PTP4A1: variants seen among roughly 807,000 people sequenced by gnomAD.
The protein encoded by PTP4A1 is protein tyrosine phosphatase type IVA 1.
Under a neutral mutation model 20.5 loss-of-function variants are expected in PTP4A1, and 9 were observed. That is an observed-to-expected ratio of 0.44 (90% confidence interval 0.26 to 0.77). The LOEUF (loss-of-function observed/expected upper bound fraction) is 0.77. Ranked by LOEUF, PTP4A1 falls within the 30% of genes least tolerant of loss-of-function variation. The pLI is 0.19. For synonymous variants in PTP4A1, 78 were observed against 67.4 expected (o/e 1.16, Z -0.77); for missense variants, 137 against 218.8 (o/e 0.63, Z 2.36).
intron 3 of PTP4A1, among the ~76,000 whole-genome samples, chr6:63,567,454 G>A (rs991978944): frequency 1.3e-5 from 2 of 152,188 alleles, no homozygotes; most frequent in African/African-American, 2.4e-5. Flanking sequence ...TTGTCAAGGA[G>A]CAATAGTATT....
intron 2 of PTP4A1, chr6:63,549,506 CAGG>C (rs1750546121): frequency 6.8e-6 from 5 of 739,686 alleles, no homozygotes; most frequent in Non-Finnish European, 1.2e-5. Flanking sequence ...TTCCTTTCGG[CAGG>C]AGGAGAGAGC....
intron 2 of PTP4A1, among the ~76,000 whole-genome samples, chr6:63,533,544 A>G (rs1327400106): frequency 1.3e-5 from 2 of 152,332 alleles, no homozygotes; most frequent in Non-Finnish European, 2.9e-5. Flanking sequence ...AATGCTTACC[A>G]AACTATAGTA....
intron 2 of PTP4A1, among the ~76,000 whole-genome samples, chr6:63,547,956 AC>A (rs898068724): frequency 1.3e-5 from 2 of 152,062 alleles, no homozygotes. Flanking sequence ...CCATTATCTC[AC>A]CATTTCATAT....
At chr6:63,518,457 T>C (rs1346605815), upstream of PTP4A1, among the ~76,000 whole-genome samples, 2 of 152,196 alleles carry the variant, frequency 1.3e-5, no homozygotes, top group Non-Finnish European at 2.9e-5. Flanking sequence ...GGAGTAGCAA[T>C]GGAATCCAAC....
upstream of PTP4A1, among the ~76,000 whole-genome samples, chr6:63,521,268 A>C (rs146889597): frequency 5.9e-5 from 9 of 152,338 alleles, no homozygotes; most frequent in African/African-American, 2.2e-4. Context: ...AAAAGAAAAA[A>C]ACGGCAAATA....
chr6:63,573,865 A>G (rs1366426649), intron 1 of PTP4A1, among the ~76,000 whole-genome samples: 1 of 152,098 alleles, frequency 6.6e-6, no homozygotes, highest in African/African-American at 2.4e-5. Context: ...CCAATTTTGG[A>G]AGGGCCCTGG....
intron 3 of PTP4A1, among the ~76,000 whole-genome samples, chr6:63,562,032 AT>A (rs1339545156): frequency 6.6e-6 from 1 of 152,236 alleles, no homozygotes; most frequent in Non-Finnish European, 1.5e-5. Context: ...GAAGTTATAA[AT>A]AAAAAATTGT....
chr6:63,542,226 G>T (rs915082360), intron 2 of PTP4A1, among the ~76,000 whole-genome samples: 1 of 152,084 alleles, frequency 6.6e-6, no homozygotes, highest in Non-Finnish European at 1.5e-5. Flanking sequence ...AAGCTATGAG[G>T]ATGCAAAGGC....
Position 63,579,340 on chromosome 6 carries a change from T to C in PTP4A1, c.404+9T>C, listed in dbSNP as rs780937953. 6.3e-7 allele frequency: 1 copy of C among 1,576,230 alleles called. No individual in the cohort carries two copies. The highest frequency in any genetic ancestry group is 1.1e-5 in the South Asian group (1 of 87,708). ...GTACAATTCATAAGACAGTAAGTAA[T>C]GGATTCTCTTTTCATTTGTACTCTC... On this transcript the variant is annotated intron_variant, in intron 5 of 5. Coordinates refer to ENST00000626021, the MANE Select transcript of PTP4A1 (RefSeq NM_003463.5).
chr6:63,557,267 T>G (rs1041130416), intron 3 of PTP4A1, among the ~76,000 whole-genome samples: 4 of 152,088 alleles, frequency 2.6e-5, no homozygotes, highest in African/African-American at 9.7e-5. Context: ...AAAATTTAAT[T>G]TAAAAATTAA....
Position 63,583,510 on chromosome 6 carries a change from G to A in PTP4A1, c.*3336G>A, listed in dbSNP as rs1269346855. ...AAACCAGTGATATGTGTTAACGTAT[G>A]AATGAAAGGATTGATGGTGATTTTA... is the stretch of plus-strand genomic sequence containing the variant. On this transcript the variant is annotated 3_prime_UTR_variant, in exon 6 of 6. Coordinates refer to ENST00000626021, the MANE Select transcript of PTP4A1 (RefSeq NM_003463.5). 6.6e-6 allele frequency: 1 copy of A among 152,218 alleles called. No individual in the cohort carries two copies. The highest frequency in any genetic ancestry group is 1.5e-5 in the Non-Finnish European group (1 of 68,042). The allele number at this position is 152,218 out of a possible 1,614,324, so 9.4% of individuals were successfully genotyped here.
chr6:63,553,208 T>C (rs2149491293), intron 3 of PTP4A1, among the ~76,000 whole-genome samples: 1 of 152,370 alleles, frequency 6.6e-6, no homozygotes, highest in Non-Finnish European at 1.5e-5. Context: ...AATTGTGTGA[T>C]ACAGCTTAGT....
chr6:63,526,386 A>C (rs964431831), intron 1 of PTP4A1, among the ~76,000 whole-genome samples: 3 of 152,148 alleles, frequency 2.0e-5, no homozygotes, highest in African/African-American at 7.2e-5. Flanking sequence ...AGCTGATAAC[A>C]AAGTTGAAAT....
chr6:63,569,154 G>A (rs1453408497), upstream of PTP4A1, among the ~76,000 whole-genome samples: 1 of 152,148 alleles, frequency 6.6e-6, no homozygotes, highest in East Asian at 1.9e-4. Context: ...TACTAGATCT[G>A]CTGTTCTTGT....
intron 1 of PTP4A1, among the ~76,000 whole-genome samples, chr6:63,523,369 C>T (rs1041400290): frequency 2.6e-5 from 4 of 151,972 alleles, no homozygotes; most frequent in African/African-American, 9.7e-5. Context: ...CCTGTCTCTA[C>T]TAGAAAACAC....
Position 63,581,272 on chromosome 6 carries a change from T to C in PTP4A1, c.*1098T>C, listed in dbSNP as rs1778208688. The C allele has an allele frequency of 6.6e-6, 1 of 152,612 alleles. No homozygotes were observed. Among genetic ancestry groups the C allele is most frequent in the Non-Finnish European group, 1.5e-5 (1 of 68,000 alleles). The allele number at this position is 152,612 out of a possible 1,614,324, so 9.5% of individuals were successfully genotyped here. ...TAATATTTGGATACTTGACAATTTG[T>C]TTTATTATGTAATTGATAAAATGGT... is the stretch of plus-strand genomic sequence containing the variant. On this transcript the variant is annotated 3_prime_UTR_variant, in exon 6 of 6. Transcript: ENST00000626021.
intron 3 of PTP4A1, among the ~76,000 whole-genome samples, chr6:63,552,102 C>T (rs965817769): frequency 8.5e-5 from 13 of 152,116 alleles, no homozygotes; most frequent in African/African-American, 3.1e-4. Flanking sequence ...GTTCTAGATC[C>T]CTGAGGAATC....
chr6:63,517,263 C>G (rs1191807042), upstream of PTP4A1, among the ~76,000 whole-genome samples: 2 of 151,964 alleles, frequency 1.3e-5, no homozygotes, highest in Non-Finnish European at 2.9e-5. Flanking sequence ...GGGTGCCTAT[C>G]AAAGAATAGA....
At chr6:63,570,542 AG>A (rs1412773492), upstream of PTP4A1, among the ~76,000 whole-genome samples, 1 of 152,234 alleles carries the variant, frequency 6.6e-6, no homozygotes, top group Non-Finnish European at 1.5e-5. Flanking sequence ...TGGTAATTAC[AG>A]GATCTGTGGA....
Sources: gnomAD v4.1 joint callset for allele counts (sites outside exome capture counted in the v4.1 genomes callset) on GRCh38, gnomAD v4.1.1 for gene constraint, MANE v1.5 for transcripts, NCBI Gene and HGNC (gene_info 2026-07-23, HGNC 2026-07-21) for gene names.